The following ST6GALNAC5 variants were observed in gnomAD, a reference collection of about 807,000 sequenced individuals.
The protein encoded by ST6GALNAC5 is ST6 N-acetylgalactosaminide alpha-2,6-sialyltransferase 5, also known as alpha-N-acetylgalactosaminide alpha-2,6-sialyltransferase 5.
A neutral mutation model predicts 33.6 loss-of-function variants in ST6GALNAC5; 27 were observed. The ratio of observed to expected loss-of-function variants is 0.80; its 90% CI spans 0.59 to 1.11. The LOEUF is 1.11. Ranked by LOEUF, ST6GALNAC5 falls within the 50% of genes least tolerant of loss-of-function variation. ST6GALNAC5 has a pLI of 0.00. For missense variants in ST6GALNAC5, 428 were observed against 454.0 expected, an observed-to-expected ratio of 0.94 and a Z score of 0.52; for synonymous variants, 194 against 171.2, an observed-to-expected ratio of 1.13 and a Z score of -1.04.
At chr1:76,932,293 G>C (rs896570177) in intron 2 of ST6GALNAC5, among the ~76,000 whole-genome samples, 1 of 152,104 alleles carries the variant, frequency 6.6e-6, no homozygotes, top group African/African-American at 2.4e-5. Context: ...ATGCCGAGTG[G>C]CATCACAAAG....
chr1:76,957,411 C>T (rs1248657464), intron 2 of ST6GALNAC5, among the ~76,000 whole-genome samples: 1 of 152,152 alleles, frequency 6.6e-6, no homozygotes, highest in Non-Finnish European at 1.5e-5. Flanking sequence ...ATTTAGGGCC[C>T]ACCCTAATTC....
At chr1:76,902,656 G>A (rs1284247088) in intron 2 of ST6GALNAC5, among the ~76,000 whole-genome samples, 3 of 152,068 alleles carry the variant, frequency 2.0e-5, no homozygotes, top group Admixed American at 6.6e-5. Context: ...ATAAAGTGAC[G>A]ATAATCAAAC....
chr1:76,974,010 G>C (rs1648879913), intron 2 of ST6GALNAC5, among the ~76,000 whole-genome samples: 1 of 151,462 alleles, frequency 6.6e-6, no homozygotes, highest in Non-Finnish European at 1.5e-5. Flanking sequence ...TCTCTTATTT[G>C]GTTTCTTTAC....
intron 2 of ST6GALNAC5, among the ~76,000 whole-genome samples, chr1:77,008,227 C>A (rs1201800195): frequency 6.6e-6 from 1 of 152,142 alleles, no homozygotes; most frequent in Non-Finnish European, 1.5e-5. Context: ...TGCACAAGAG[C>A]TTTCATTGAA....
At chr1:76,904,259 G>A (rs1646844297) in intron 2 of ST6GALNAC5, among the ~76,000 whole-genome samples, 1 of 152,092 alleles carries the variant, frequency 6.6e-6, no homozygotes, top group African/African-American at 2.4e-5. Flanking sequence ...TCTGGTCTTT[G>A]CAAAGGAAGG....
At chr1:76,880,604 A>G (rs1653758028) in intron 2 of ST6GALNAC5, among the ~76,000 whole-genome samples, 1 of 152,204 alleles carries the variant, frequency 6.6e-6, no homozygotes. Context: ...GGCAGGAAGC[A>G]TCCAGCATGG....
At chr1:76,950,700 G>A (rs1489529570) in intron 2 of ST6GALNAC5, among the ~76,000 whole-genome samples, 2 of 152,100 alleles carry the variant, frequency 1.3e-5, no homozygotes, top group Non-Finnish European at 2.9e-5. Context: ...GATTGAATGG[G>A]TTAGAGGAGG....
intron 2 of ST6GALNAC5, among the ~76,000 whole-genome samples, chr1:76,880,494 AC>A (rs1653754705): frequency 6.6e-6 from 1 of 152,192 alleles, no homozygotes; most frequent in Non-Finnish European, 1.5e-5. Context: ...GTATTAACTT[AC>A]ACAATCACAG....
chr1:76,883,103 G>A (rs890977116), intron 2 of ST6GALNAC5, among the ~76,000 whole-genome samples: 5 of 152,196 alleles, frequency 3.3e-5, no homozygotes, highest in Non-Finnish European at 4.4e-5. Flanking sequence ...CATATTGACT[G>A]AGTAGCTACC....
intron 2 of ST6GALNAC5, among the ~76,000 whole-genome samples, chr1:77,008,400 C>T (rs975340076): frequency 1.3e-5 from 2 of 152,156 alleles, no homozygotes; most frequent in Non-Finnish European, 2.9e-5. Flanking sequence ...GTCTCAGTTT[C>T]TTTATCTATA....
chr1:76,869,609 T>C (rs1653451437), intron 2 of ST6GALNAC5, among the ~76,000 whole-genome samples: 1 of 152,204 alleles, frequency 6.6e-6, no homozygotes, highest in Admixed American at 6.5e-5. Context: ...ATCTCCCAAT[T>C]ATTCTTTTTA....
At chr1:76,995,758 T>C (rs919923487) in intron 2 of ST6GALNAC5, among the ~76,000 whole-genome samples, 2 of 152,136 alleles carry the variant, frequency 1.3e-5, no homozygotes, top group Admixed American at 6.5e-5. Flanking sequence ...GGTAATGTAG[T>C]TATTACCAAC....
Position 76,868,882 on chromosome 1 carries a change from G to A in ST6GALNAC5, c.261+140G>A, listed in dbSNP as rs1653430277. 1.0e-5 allele frequency: 14 copies of A among 1,337,426 alleles called. No homozygotes were observed. Among genetic ancestry groups the A allele is most frequent in the South Asian group, 3.2e-5 (2 of 62,492 alleles). 82.8% of individuals were successfully genotyped at this position (1,337,426 alleles called of 1,614,324 possible). On this transcript the variant is annotated intron_variant, in intron 2 of 4. Transcript: ENST00000477717. The surrounding 1 kb of genome is among the most constrained non-coding windows in gnomAD (Gnocchi z 4.3). ...GAGGGGAGTGGACCCGCTGGGGTAG[G>A]GTGGGCTAGTTCCAACTTGGTATGA...
chr1:77,043,231 C>T (rs1442364772), intron 2 of ST6GALNAC5, among the ~76,000 whole-genome samples: 1 of 152,204 alleles, frequency 6.6e-6, no homozygotes, highest in African/African-American at 2.4e-5. Flanking sequence ...GGCCTCGGGC[C>T]GTAATTACAT....
At chr1:76,980,023 T>G (rs1189043944) in intron 2 of ST6GALNAC5, among the ~76,000 whole-genome samples, 2 of 152,140 alleles carry the variant, frequency 1.3e-5, no homozygotes, top group Non-Finnish European at 2.9e-5. Flanking sequence ...AAAATTGGAC[T>G]GAGCAAGGAT....
At chr1:77,048,495 C>A (rs1437803835) in intron 3 of ST6GALNAC5, among the ~76,000 whole-genome samples, 1 of 152,188 alleles carries the variant, frequency 6.6e-6, no homozygotes, top group Admixed American at 6.5e-5. Flanking sequence ...TCAGTCAGCT[C>A]TTCTCCATTC....
chr1:76,904,972 G>T (rs1646851468), intron 2 of ST6GALNAC5, among the ~76,000 whole-genome samples: 1 of 152,172 alleles, frequency 6.6e-6, no homozygotes, highest in Non-Finnish European at 1.5e-5. Flanking sequence ...GAGTACAGGA[G>T]AGGAATGACT....
At chr1:76,973,935 A>G (rs1648874441) in intron 2 of ST6GALNAC5, among the ~76,000 whole-genome samples, 1 of 152,072 alleles carries the variant, frequency 6.6e-6, no homozygotes. Flanking sequence ...ATGAAACAGA[A>G]CCAGACTGCT....
chr1:76,877,326 G>T (rs556548012), intron 2 of ST6GALNAC5, among the ~76,000 whole-genome samples: 29 of 152,300 alleles, frequency 1.9e-4, no homozygotes, highest in African/African-American at 6.3e-4. Context: ...AAGTGGCAGA[G>T]CAGCTTGCAC....
Sources: allele counts gnomAD v4.1 joint callset (sites outside exome capture counted in the v4.1 genomes callset), GRCh38; gene constraint gnomAD v4.1.1; non-coding constraint Gnocchi (gnomAD v3.1); transcripts MANE v1.5; gene names NCBI Gene and HGNC (gene_info 2026-07-23, HGNC 2026-07-21).